The following EYS variants were observed in gnomAD, a reference collection of about 807,000 sequenced individuals.
EYS encodes protein eyes shut homolog.
A neutral mutation model predicts 282.1 loss-of-function variants in EYS; 250 were observed. The observed-to-expected ratio is 0.89, with a 90% confidence interval of 0.80 to 0.98. The LOEUF (loss-of-function observed/expected upper bound fraction) is 0.98, where lower values mean the gene tolerates loss of function less well. Ranked by LOEUF, EYS falls within the 50% of genes least tolerant of loss-of-function variation. EYS has a pLI of 0.00. For missense variants in EYS, 4,016 were observed against 3,709.0 expected (o/e 1.08, Z -2.15); for synonymous variants, 1,355 against 1,282.9 (o/e 1.06, Z -1.20).
intron 30 of EYS, among the ~76,000 whole-genome samples, chr6:64,289,165 G>A (rs956071485): frequency 2.6e-5 from 4 of 151,930 alleles, no homozygotes; most frequent in African/African-American, 7.2e-5. Flanking sequence ...CTTAATTTGT[G>A]TGTTTCCACA....
chr6:65,394,550 A>C (rs747222982), intron 7 of EYS, among the ~76,000 whole-genome samples: 14 of 152,258 alleles, frequency 9.2e-5, no homozygotes, highest in South Asian at 6.2e-4. Flanking sequence ...AGAAATTTCC[A>C]AATGTCTATC....
At chr6:63,785,856 A>G (rs897467835) in intron 39 of EYS, 1 of 152,098 alleles carries the variant, frequency 6.6e-6, no homozygotes, top group African/African-American at 2.4e-5. Context: ...TAAAAATACA[A>G]AAATTAACTG....
At chr6:64,973,445 A>G (rs557633968) in intron 14 of EYS, among the ~76,000 whole-genome samples, 1 of 152,060 alleles carries the variant, frequency 6.6e-6, no homozygotes, top group Non-Finnish European at 1.5e-5. Context: ...TAACAATAAC[A>G]CATAATTTAG....
chr6:64,621,569 TA>T (rs544310530), intron 23 of EYS, among the ~76,000 whole-genome samples: 98 of 152,260 alleles, frequency 6.4e-4, no homozygotes, highest in Middle Eastern at 3.4e-3. Context: ...GATCTTGATT[TA>T]AAAAAAGATT....
At chr6:65,149,103 G>A (rs1222364474) in intron 12 of EYS, among the ~76,000 whole-genome samples, 3 of 152,052 alleles carry the variant, frequency 2.0e-5, no homozygotes, top group African/African-American at 7.2e-5. Context: ...CATTATCCTG[G>A]TGATTAACAT....
intron 28 of EYS, among the ~76,000 whole-genome samples, chr6:64,389,709 C>A (rs1307962336): frequency 1.3e-5 from 2 of 152,124 alleles, no homozygotes; most frequent in African/African-American, 4.8e-5. Flanking sequence ...ATCTATTAAC[C>A]AAGCAAGTAA....
intron 29 of EYS, among the ~76,000 whole-genome samples, chr6:64,352,718 A>C (rs1054928070): frequency 6.6e-6 from 1 of 151,702 alleles, no homozygotes; most frequent in South Asian, 2.1e-4. Context: ...CTCATTTTTA[A>C]ATTCCTGTTC....
rs115275503 is a variant in EYS at position 65,400,152 on chromosome 6, G to A, written c.1184+2326C>T. On this transcript the variant is annotated intron_variant, in intron 7 of 42. Transcript: ENST00000503581. ...GTTATTTCACTTTTGTAGACGGAAAGCAGTAATGCTGGAGAAGAGTGAGAG... is the reference window on the plus strand; with the variant it reads ...GTTATTTCACTTTTGTAGACGGAAAACAGTAATGCTGGAGAAGAGTGAGAG... Among the ~76,000 whole-genome samples, 942 of 152,140 alleles carry A rather than the reference G, an allele frequency of 6.2e-3. 13 individuals are homozygous for A. Among genetic ancestry groups the A allele is most frequent in the African/African-American group, 0.022 (904 of 41,548 alleles).
chr6:64,990,269 G>A (rs999280718), intron 14 of EYS, among the ~76,000 whole-genome samples: 6 of 151,340 alleles, frequency 4.0e-5, no homozygotes, highest in Non-Finnish European at 5.9e-5. Flanking sequence ...ACAACACAGC[G>A]GTTTTTAGAA....
At chr6:64,244,632 A>G (rs534845689) in intron 30 of EYS, among the ~76,000 whole-genome samples, 1 of 151,974 alleles carries the variant, frequency 6.6e-6, no homozygotes, top group Non-Finnish European at 1.5e-5. Flanking sequence ...ATGAAATTGA[A>G]TTTTCTCATT....
intron 12 of EYS, among the ~76,000 whole-genome samples, chr6:65,211,353 A>C (rs918263979): frequency 1.1e-4 from 16 of 152,046 alleles, no homozygotes; most frequent in African/African-American, 3.6e-4. Flanking sequence ...CCCAACCAAA[A>C]CTGCTATCAC....
At chr6:63,925,320 A>G (rs1482400214) in intron 35 of EYS, among the ~76,000 whole-genome samples, 3 of 152,226 alleles carry the variant, frequency 2.0e-5, no homozygotes, top group Non-Finnish European at 2.9e-5. Context: ...ATCAGAAAGA[A>G]TAACAAGAGA....
intron 2 of EYS, among the ~76,000 whole-genome samples, chr6:65,559,478 A>T (rs1252760019): frequency 6.6e-6 from 1 of 152,222 alleles, no homozygotes; most frequent in Non-Finnish European, 1.5e-5. Context: ...CTGCAGGTAC[A>T]GAAATGATTG....
At chr6:65,413,974 G>T (rs1767129359) in intron 5 of EYS, among the ~76,000 whole-genome samples, 2 of 151,948 alleles carry the variant, frequency 1.3e-5, no homozygotes, top group Non-Finnish European at 2.9e-5. Flanking sequence ...ATAATTTGTT[G>T]CCTTCATTTA....
chr6:65,397,619 TG>T (rs1436098534), intron 7 of EYS, among the ~76,000 whole-genome samples: 4 of 151,014 alleles, frequency 2.6e-5, no homozygotes, highest in African/African-American at 7.3e-5. Context: ...TGTGTGTGTG[TG>T]TGTGTGTGTG....
At chr6:65,490,271 A>G in intron 5 of EYS, 2 of 191,348 alleles carry the variant, frequency 1.0e-5, no homozygotes, top group African/African-American at 2.3e-5. Flanking sequence ...GTAATGGTTA[A>G]GAAGTGTCAA....
intron 22 of EYS, among the ~76,000 whole-genome samples, chr6:64,791,852 TA>T (rs1351812063): frequency 1.3e-5 from 2 of 151,916 alleles, no homozygotes; most frequent in African/African-American, 4.8e-5. Flanking sequence ...AACATGGCAT[TA>T]ATCGTATATA....
intron 5 of EYS, among the ~76,000 whole-genome samples, chr6:65,449,537 A>G (rs1023875791): frequency 2.0e-5 from 3 of 152,074 alleles, no homozygotes; most frequent in Non-Finnish European, 4.4e-5. Context: ...GTTGCCTATA[A>G]TTATTAAGTA....
In EYS at chr6:65,314,738, A is replaced by G. The variant is rs577595222; in HGVS notation, c.1767-18619T>C. Among the ~76,000 whole-genome samples the G allele has an allele frequency of 3.9e-4, 59 of 152,010 alleles. No individual in the cohort carries two copies. In the South Asian group the frequency reaches 0.011, roughly 29 times the overall value. The stretch of plus-strand genomic sequence containing the variant: ...AGTACCCAAGGATGGGACATAGCCA[A>G]TGATGATGATGGGAACATTTTCAGG... On this transcript the variant is annotated intron_variant, in intron 11 of 42. Transcript: ENST00000503581.
Sources: allele counts gnomAD v4.1 joint callset (sites outside exome capture counted in the v4.1 genomes callset), GRCh38; gene constraint gnomAD v4.1.1; transcripts MANE v1.5; gene names NCBI Gene and HGNC (gene_info 2026-07-23, HGNC 2026-07-21).